KIF26B: variants seen among roughly 807,000 people sequenced by gnomAD.
KIF26B encodes kinesin family member 26B.
KIF26B carries 63 observed loss-of-function variants against 151.2 expected under a neutral mutation model. The observed-to-expected ratio is 0.42, with a 90% confidence interval of 0.34 to 0.51. The LOEUF is 0.51. KIF26B is among the 20% of genes least tolerant of loss of function. KIF26B has a pLI of 0.07. For missense variants in KIF26B, 2,813 were observed against 2,913.6 expected (o/e 0.97, Z 0.79); for synonymous variants, 1,357 against 1,262.1 (o/e 1.08, Z -1.59).
chr1:245,439,426 A>C (rs1659014218), intron 4 of KIF26B, among the ~76,000 whole-genome samples: 1 of 152,010 alleles, frequency 6.6e-6, no homozygotes, highest in Non-Finnish European at 1.5e-5. Context: ...AGATGGGGCG[A>C]GAATTGTCTT....
rs2043460164 is a variant in KIF26B at position 245,606,842 on chromosome 1, C to G, written c.1558-809C>G. Among the ~76,000 whole-genome samples the G allele has an allele frequency of 6.6e-6, 1 of 152,074 alleles. No individual in the cohort carries two copies. The highest frequency in any genetic ancestry group is 1.5e-5 in the Non-Finnish European group (1 of 68,004). Reference sequence around the variant, plus strand: ...CTTTGGGAGGCCGAGGCGGGTGGATCACCTGAGGTCAGGAGTTTGAGACCA... The same window carrying G: ...CTTTGGGAGGCCGAGGCGGGTGGATGACCTGAGGTCAGGAGTTTGAGACCA... On this transcript the variant is annotated intron_variant, in intron 6 of 14. Coordinates refer to ENST00000407071, the MANE Select transcript of KIF26B (RefSeq NM_018012.4). The surrounding 1 kb of genome is among the most constrained non-coding windows in gnomAD (Gnocchi z 4.6).
chr1:245,663,319 A>C (rs971405464), intron 10 of KIF26B, among the ~76,000 whole-genome samples: 1 of 152,046 alleles, frequency 6.6e-6, no homozygotes, highest in Admixed American at 6.5e-5. Context: ...CTAGTTGCTT[A>C]AGGTTGGAGG....
At chr1:245,408,062 G>GC (rs1308198424) in intron 3 of KIF26B, among the ~76,000 whole-genome samples, 1 of 152,156 alleles carries the variant, frequency 6.6e-6, no homozygotes, top group Non-Finnish European at 1.5e-5. Context: ...TAGAAGAGCC[G>GC]CCCCCAGGTG....
At chr1:245,214,668 G>A (rs751346072) in intron 2 of KIF26B, among the ~76,000 whole-genome samples, 21 of 151,986 alleles carry the variant, frequency 1.4e-4, no homozygotes, top group Non-Finnish European at 2.6e-4. Flanking sequence ...GTGAAACCCC[G>A]TCTCTAGTAA....
chr1:245,636,344 T>C (rs1336851276), intron 9 of KIF26B, among the ~76,000 whole-genome samples: 1 of 115,152 alleles, frequency 8.7e-6, no homozygotes, highest in African/African-American at 4.0e-5. Flanking sequence ...TTTCTCATTA[T>C]AGAACGTTTT....
chr1:245,424,957 C>A (rs1658584477), intron 4 of KIF26B, among the ~76,000 whole-genome samples: 1 of 151,530 alleles, frequency 6.6e-6, no homozygotes, highest in African/African-American at 2.4e-5. Flanking sequence ...GACACTGTTT[C>A]TGGAAAAAAT....
chr1:245,197,081 A>G (rs1461302327), intron 2 of KIF26B, among the ~76,000 whole-genome samples: 1 of 152,210 alleles, frequency 6.6e-6, no homozygotes, highest in East Asian at 1.9e-4. Context: ...TTTTATTCAT[A>G]TTAGAATCCT....
At position 245,703,902 on chromosome 1, in the gene KIF26B, A is replaced by C. The variant is rs1404785651; in HGVS notation, c.*1296A>C. 1.3e-5 allele frequency: 2 copies of C among 152,234 alleles called. No homozygotes were observed. The highest frequency in any genetic ancestry group is 2.4e-5 in the African/African-American group (1 of 41,464). The allele number at this position is 152,234 out of a possible 1,614,324, so 9.4% of individuals were successfully genotyped here. On this transcript the variant is annotated 3_prime_UTR_variant, in exon 15 of 15. Coordinates refer to ENST00000407071, the MANE Select transcript of KIF26B (RefSeq NM_018012.4). ...TCTTTGCTCCTGCCCAAAGGCAGAG[A>C]GAGCTTCCCCTCCATAACTCACACG...
chr1:245,600,673 G>A (rs890919936), intron 5 of KIF26B, among the ~76,000 whole-genome samples: 12 of 151,348 alleles, frequency 7.9e-5, no homozygotes, highest in African/African-American at 2.2e-4. Flanking sequence ...CAATCACAGC[G>A]TTAATGGTAA....
At chr1:245,457,918 T>C (rs1464973765) in intron 4 of KIF26B, among the ~76,000 whole-genome samples, 2 of 152,206 alleles carry the variant, frequency 1.3e-5, no homozygotes, top group Non-Finnish European at 2.9e-5. Flanking sequence ...ATGGAATTGA[T>C]TGCTAAGTCA....
At chr1:245,211,464 A>G (rs568493226) in intron 2 of KIF26B, among the ~76,000 whole-genome samples, 2 of 152,140 alleles carry the variant, frequency 1.3e-5, no homozygotes, top group East Asian at 1.9e-4. Flanking sequence ...CGGTGGCCCA[A>G]TCAGCTCACT....
At chr1:245,652,141 TGTGTGAGA>T (rs1320190720) in intron 10 of KIF26B, among the ~76,000 whole-genome samples, 1,525 of 98,754 alleles carry the variant, frequency 0.015, 24 homozygotes, top group Admixed American at 0.036. Flanking sequence ...TGTGTGTGTG[TGTGTGAGA>T]GAGACATATG....
In KIF26B at chr1:245,685,805, A is replaced by G; in HGVS notation, c.2822A>G (p.Glu941Gly). 6.2e-7 allele frequency: 1 copy of G among 1,609,382 alleles called. No individual in the cohort carries two copies. Among genetic ancestry groups the G allele is most frequent in the Non-Finnish European group, 8.5e-7 (1 of 1,177,278 alleles). Residue 941 changes from glutamate (E) to glycine (G), a missense_variant, in exon 12 of 15, where the codon GAG becomes GGG. Glu to Gly is a moderately conservative substitution (Grantham distance 98, BLOSUM62 -2). Coordinates refer to ENST00000407071, the MANE Select transcript of KIF26B (RefSeq NM_018012.4). ...CTGGACTGCATCGACGGCAGCGAGG[A>G]GCCCAGCAGCTTTCCTTTCGAAGAA... is the stretch of plus-strand genomic sequence containing the variant. ...ERLDCIDGSEEPSSFPFEELP... is the reference protein window; with the variant it reads ...ERLDCIDGSEGPSSFPFEELP...
chr1:245,402,624 C>T (rs183515715), intron 3 of KIF26B, among the ~76,000 whole-genome samples: 10 of 152,176 alleles, frequency 6.6e-5, no homozygotes, highest in Non-Finnish European at 1.3e-4. Context: ...TCTAAATGTA[C>T]GCAGGGGACA....
intron 4 of KIF26B, among the ~76,000 whole-genome samples, chr1:245,498,167 G>C (rs1660549619): frequency 6.6e-6 from 1 of 152,084 alleles, no homozygotes; most frequent in South Asian, 2.1e-4. Context: ...TTCCTTCTGG[G>C]AGCAGGACGA....
At chr1:245,238,290 C>T (rs891280800) in intron 2 of KIF26B, among the ~76,000 whole-genome samples, 1 of 151,922 alleles carries the variant, frequency 6.6e-6, no homozygotes, top group African/African-American at 2.4e-5. Context: ...GAGCCGAGAT[C>T]GCACCACTGT....
intron 4 of KIF26B, among the ~76,000 whole-genome samples, chr1:245,473,137 A>G (rs1365572940): frequency 6.6e-6 from 1 of 152,238 alleles, no homozygotes; most frequent in Non-Finnish European, 1.5e-5. Flanking sequence ...GAAAATGTAG[A>G]GGTGTCAAGA....
At chr1:245,421,655 A>G (rs1396001768) in intron 4 of KIF26B, among the ~76,000 whole-genome samples, 1 of 152,214 alleles carries the variant, frequency 6.6e-6, no homozygotes, top group Non-Finnish European at 1.5e-5. Context: ...AGAATTTTAC[A>G]GAAGGTTGAC....
intron 2 of KIF26B, among the ~76,000 whole-genome samples, chr1:245,351,144 G>A (rs1293184161): frequency 3.9e-5 from 6 of 152,308 alleles, no homozygotes; most frequent in South Asian, 2.1e-4. Context: ...TTAGCTGAGC[G>A]CGTTTCCCTG....
Sources: allele counts gnomAD v4.1 joint callset (sites outside exome capture counted in the v4.1 genomes callset), GRCh38; gene constraint gnomAD v4.1.1; non-coding constraint Gnocchi (gnomAD v3.1); transcripts MANE v1.5; gene names NCBI Gene and HGNC (gene_info 2026-07-23, HGNC 2026-07-21).